Variants in ZNF679 observed in about 807,000 individuals in gnomAD.
ZNF679 encodes the protein zinc finger protein 679.
A neutral mutation model predicts 13.4 loss-of-function variants in ZNF679; 10 were observed. The observed-to-expected ratio is 0.75, with a 90% CI of 0.46 to 1.27. The LOEUF (loss-of-function observed/expected upper bound fraction) is 1.27. Among genes scored for constraint, ZNF679 ranks in the 50% most tolerant of loss-of-function variants. ZNF679 has a pLI of 0.00. For synonymous variants in ZNF679, 179 were observed against 162.5 expected (o/e 1.10, Z -0.77); for missense variants, 525 against 477.8 (o/e 1.10, Z -0.92).
intron 1 of ZNF679, among the ~76,000 whole-genome samples, chr7:64,247,504 T>G (rs1787884652): frequency 6.6e-6 from 1 of 152,192 alleles, no homozygotes; most frequent in Non-Finnish European, 1.5e-5. Flanking sequence ...AAAATAATAT[T>G]TTGGATATAT....
intron 1 of ZNF679, among the ~76,000 whole-genome samples, chr7:64,248,698 T>A (rs962512664): frequency 9.2e-5 from 14 of 152,258 alleles, no homozygotes; most frequent in Non-Finnish European, 2.1e-4. Context: ...TGTCATTATG[T>A]TTTTTCAGTT....
chr7:64,241,144 G>GT (rs1787793278), intron 1 of ZNF679, among the ~76,000 whole-genome samples: 1 of 152,164 alleles, frequency 6.6e-6, no homozygotes, highest in Admixed American at 6.5e-5. Flanking sequence ...ATGGCACTCT[G>GT]TAGCACTTGA....
chr7:64,247,609 G>A (rs531840879), intron 1 of ZNF679, among the ~76,000 whole-genome samples: 106 of 151,982 alleles, frequency 7.0e-4, no homozygotes, highest in African/African-American at 2.2e-3. Flanking sequence ...GCTATATTGC[G>A]GTGGCACGAT....
At chr7:64,251,675 A>T (rs1445685063) in intron 2 of ZNF679, among the ~76,000 whole-genome samples, 1 of 152,142 alleles carries the variant, frequency 6.6e-6, no homozygotes, top group African/African-American at 2.4e-5. Flanking sequence ...ATAAACCAAG[A>T]TACCCACCGT....
rs1788144613 is a variant in ZNF679, at chr7:64,266,163, G to C, written c.530G>C (p.Arg177Thr). Residue 177 changes from arginine to threonine, a missense_variant, in exon 5 of 5, where the codon AGA (arginine) becomes ACA (threonine). Transcript: ENST00000421025. ...KFSNSNRHKTRHTGKKHFKCK... is the reference protein window; with the variant it reads ...KFSNSNRHKTTHTGKKHFKCK... Reference sequence around the variant, plus strand: ...TCAAATTCCAATAGACATAAGACAAGACATACTGGAAAGAAACATTTCAAA... The same window carrying C: ...TCAAATTCCAATAGACATAAGACAACACATACTGGAAAGAAACATTTCAAA... 6.2e-7 allele frequency: 1 copy of C among 1,600,582 alleles called. No homozygotes were observed. Among genetic ancestry groups the C allele is most frequent in the African/African-American group, 1.3e-5 (1 of 74,622 alleles).
intron 2 of ZNF679, among the ~76,000 whole-genome samples, chr7:64,258,680 G>A (rs890517866): frequency 7.0e-6 from 1 of 143,854 alleles, no homozygotes; most frequent in African/African-American, 2.6e-5. Context: ...CAGCCTGCTC[G>A]ACAGAGCAAG....
intron 2 of ZNF679, among the ~76,000 whole-genome samples, chr7:64,249,796 G>A (rs754354536): frequency 6.6e-6 from 1 of 152,262 alleles, no homozygotes; most frequent in South Asian, 2.1e-4. Flanking sequence ...AGCAGTCTGT[G>A]GTTGACTAGG....
chr7:64,240,358 T>C (rs544618024), intron 1 of ZNF679, among the ~76,000 whole-genome samples: 2 of 152,330 alleles, frequency 1.3e-5, no homozygotes, highest in South Asian at 2.1e-4. Flanking sequence ...AAAGGTGAGA[T>C]GATGACTCTC....
intron 1 of ZNF679, among the ~76,000 whole-genome samples, chr7:64,243,181 A>G (rs907096402): frequency 2.6e-5 from 4 of 152,136 alleles, no homozygotes; most frequent in African/African-American, 9.7e-5. Context: ...CCAGATCATT[A>G]CCTGTTTGTC....
chr7:64,253,298 G>A (rs1479790041), intron 2 of ZNF679, among the ~76,000 whole-genome samples: 1 of 152,038 alleles, frequency 6.6e-6, no homozygotes, highest in African/African-American at 2.4e-5. Flanking sequence ...CTCTGACTTG[G>A]AAATTAAAGC....
intron 2 of ZNF679, among the ~76,000 whole-genome samples, chr7:64,254,166 C>T (rs1787974647): frequency 6.6e-6 from 1 of 151,422 alleles, no homozygotes. Flanking sequence ...GCTCTGTCAC[C>T]CAGGCTGGAA....
At chr7:64,236,975 A>AG (rs1554369174) in intron 1 of ZNF679, among the ~76,000 whole-genome samples, 46 of 16,278 alleles carry the variant, frequency 2.8e-3, no homozygotes, top group African/African-American at 5.9e-3. Context: ...GAAAGAAAGA[A>AG]AAAGAAAGAA....
Position 64,266,758 on chromosome 7 carries a change from T to C in ZNF679, c.1125T>C (p.Thr375=). ...STLNTHKRIH[T]GEEPYKCEEC... ...TTAATACTCATAAGAGGATTCATAC[T>C]GGAGAGGAACCCTACAAATGTGAAG... The change falls in exon 5 of 5, where the codon ACT becomes ACC. Residue 375 remains threonine (T), a synonymous_variant. Coordinates refer to ENST00000421025, the MANE Select transcript of ZNF679 (RefSeq NM_153363.3). The C allele has an allele frequency of 6.2e-7, 1 of 1,611,140 alleles. No individual in the cohort carries two copies. Among genetic ancestry groups the C allele is most frequent in the South Asian group, 1.1e-5 (1 of 90,748 alleles).
rs765453563 is a variant in ZNF679 at position 64,266,533 on chromosome 7, A to C, written c.900A>C (p.Glu300Asp). Residue 300 changes from glutamate (E) to aspartate (D), a missense_variant, in exon 5 of 5, where the codon GAA (glutamate) becomes GAC (aspartate). Physicochemically the swap from Glu to Asp is conservative, Grantham distance 45. Coordinates refer to ENST00000421025, the MANE Select transcript of ZNF679 (RefSeq NM_153363.3). Reference sequence around the variant, plus strand: ...GAGAGAAACCATACACATGTGAAGAATGTGGCAAAGCCTTTAGCTTATCCT... The same window carrying C: ...GAGAGAAACCATACACATGTGAAGACTGTGGCAAAGCCTTTAGCTTATCCT... The part of the protein sequence containing the change: ...HTGEKPYTCE[E>D]CGKAFSLSSS... The C allele has an allele frequency of 6.2e-7, 1 of 1,612,552 alleles. No homozygotes were observed. Among genetic ancestry groups the C allele is most frequent in the Non-Finnish European group, 8.5e-7 (1 of 1,178,770 alleles).
chr7:64,257,142 TCTTA>T (rs1181849300), intron 2 of ZNF679, among the ~76,000 whole-genome samples: 1 of 152,242 alleles, frequency 6.6e-6, no homozygotes, highest in Non-Finnish European at 1.5e-5. Context: ...GTTAGTTTGC[TCTTA>T]CTTTTGGAAT....
Position 64,266,662 on chromosome 7 carries a change from G to A in ZNF679, c.1029G>A (p.Lys343=). 1 of 1,613,590 alleles carries A rather than the reference G, an allele frequency of 6.2e-7. No individual in the cohort carries two copies. The highest frequency in any genetic ancestry group is 8.5e-7 in the Non-Finnish European group (1 of 1,179,846). Residue 343 remains lysine (K), a synonymous_variant, in exon 5 of 5, where the codon AAG becomes AAA. Transcript: ENST00000421025. ...GCTCCTCAACCCTTAAGAAACATAA[G>A]ATAATTCATACTGGAGAGAAACCCT... The part of the protein sequence containing the change: ...FNCSSTLKKH[K]IIHTGEKPYK...
At chr7:64,261,042 A>G (rs17767341) in intron 4 of ZNF679, 113 bp downstream of exon 4, 454,083 of 1,120,472 alleles carry the variant, frequency 0.41, 98,529 homozygotes, top group East Asian at 0.83. Context: ...AAGAGTTTCT[A>G]AGAAGCCCGA....
At chr7:64,265,623 G>A (rs1788133288) in intron 4 of ZNF679, among the ~76,000 whole-genome samples, 1 of 152,182 alleles carries the variant, frequency 6.6e-6, no homozygotes. Flanking sequence ...GAAGGGCTGT[G>A]TTGGGTAAAT....
At position 64,256,162 on chromosome 7, in the gene ZNF679, A is replaced by G. The variant is rs543712933; in HGVS notation, c.40-4059A>G. 1.1e-4 allele frequency among the ~76,000 whole-genome samples: 16 copies of G among 152,248 alleles called. No individual in the cohort carries two copies. In the South Asian group the frequency reaches 3.1e-3, roughly 30 times the overall value. On this transcript the variant is annotated intron_variant, in intron 2 of 4. Transcript: ENST00000421025. ...TTTGCTCCCATTTATAAGTGACAAC[A>G]TACAGTATTTGATTTTCTGTTCCTG...
Sources: allele counts gnomAD v4.1 joint callset (sites outside exome capture counted in the v4.1 genomes callset), GRCh38; gene constraint gnomAD v4.1.1; transcripts MANE v1.5; gene names NCBI Gene and HGNC (gene_info 2026-07-23, HGNC 2026-07-21).